Variants in PPP2R2D observed in about 807,000 individuals in gnomAD.
The protein encoded by PPP2R2D is serine/threonine-protein phosphatase 2A 55 kDa regulatory subunit B delta isoform.
In PPP2R2D, 9 loss-of-function variants were observed where a neutral mutation model predicts 31.1. The observed-to-expected ratio is 0.29, with a 90% confidence interval of 0.17 to 0.51. The LOEUF is 0.51. PPP2R2D is among the 20% of genes least tolerant of loss of function. The pLI is 0.98. For missense variants in PPP2R2D, 391 were observed against 465.6 expected (o/e 0.84, Z 1.48); for synonymous variants, 179 against 172.6 (o/e 1.04, Z -0.29).
intron 3 of PPP2R2D, chr10:131,935,034 C>T (rs2036314040): frequency 2.2e-6 from 1 of 450,268 alleles, no homozygotes; most frequent in African/African-American, 2.0e-5. Context: ...CTCCATGCCC[C>T]CTTGAAGGCT....
the PPP2R2D span, chr10:131,967,669 A>T: frequency 6.6e-6 from 1 of 152,668 alleles, no homozygotes; most frequent in East Asian, 1.9e-4. Context: ...TTTAAACCAT[A>T]TGTAAATACA....
chr10:131,952,837 A>T (rs185317280), intron 8 of PPP2R2D, among the ~76,000 whole-genome samples: 1 of 55,290 alleles, frequency 1.8e-5, no homozygotes, highest in East Asian at 5.5e-4. Flanking sequence ...TGTGGGGTTC[A>T]CTGTCTTAGC....
chr10:131,969,946 T>C, the PPP2R2D span: 12,761 of 152,538 alleles, frequency 0.084, 707 homozygotes, highest in Non-Finnish European at 0.12. Flanking sequence ...CCCAGCACTT[T>C]GGAGGCCGAG....
intron 2 of PPP2R2D, among the ~76,000 whole-genome samples, chr10:131,922,607 C>T (rs2036012534): frequency 6.6e-6 from 1 of 151,996 alleles, no homozygotes; most frequent in African/African-American, 2.4e-5. Context: ...TGCACACCAC[C>T]ACACTTGGAT....
Position 131,957,572 on chromosome 10 carries a change from C to T in PPP2R2D, c.*1609C>T, listed in dbSNP as rs182648209. The T allele has an allele frequency of 1.3e-3, 231 of 171,540 alleles. 3 individuals are homozygous for T. Among genetic ancestry groups the T allele is most frequent in the African/African-American group, 5.4e-3 (210 of 38,794 alleles). The allele number at this position is 171,540 out of a possible 1,614,324, so 10.6% of individuals were successfully genotyped here. The stretch of plus-strand genomic sequence containing the variant: ...GCCCCTGTGGAGATGAAGGTGCGTG[C>T]TGATCCCCCATCTCCCTGTGGAGAT... On this transcript the variant is annotated 3_prime_UTR_variant, in exon 9 of 9. Transcript: ENST00000455566.
chr10:131,949,766 C>A (rs2036606967), intron 8 of PPP2R2D, among the ~76,000 whole-genome samples: 1 of 147,012 alleles, frequency 6.8e-6, no homozygotes, highest in Non-Finnish European at 1.5e-5. Flanking sequence ...GACGTGGAGA[C>A]TGGAAAGGAG....
chr10:131,912,755 G>A (rs1325914046), intron 2 of PPP2R2D, among the ~76,000 whole-genome samples: 1 of 152,176 alleles, frequency 6.6e-6, no homozygotes, highest in African/African-American at 2.4e-5. Context: ...TTTTTAACCA[G>A]GCTGCCTTTT....
In PPP2R2D at chr10:131,947,772, T is replaced by A; in HGVS notation, c.1063T>A (p.Cys355Ser). The change falls in exon 8 of 9, where the codon TGC becomes AGC. Residue 355 changes from cysteine to serine, a missense_variant. Physicochemically the swap from Cys to Ser is moderately radical, Grantham distance 112 (BLOSUM62 -1). Coordinates refer to ENST00000455566, the MANE Select transcript of PPP2R2D (RefSeq NM_018461.5). This position sits in a 1 kb window ranked among gnomAD's most constrained non-coding sequence, Gnocchi z 4.3. The stretch of plus-strand genomic sequence containing the variant: ...CTGCATCTTTGACAAGTTTGAGTGT[T>A]GCTGGAACGGTTCGGATAGGTAAGG... Reference protein sequence around the residue: ...NDCIFDKFECCWNGSDSAIMT... With the variant: ...NDCIFDKFECSWNGSDSAIMT... 1 of 1,614,048 alleles carries A rather than the reference T, an allele frequency of 6.2e-7. No homozygotes were observed. Among genetic ancestry groups the A allele is most frequent in the Non-Finnish European group, 8.5e-7 (1 of 1,179,934 alleles).
chr10:131,913,184 A>ATTTTTTTTTTT (rs36188479), intron 2 of PPP2R2D, among the ~76,000 whole-genome samples: 2 of 134,818 alleles, frequency 1.5e-5, no homozygotes, highest in Non-Finnish European at 1.6e-5. Flanking sequence ...TGCCCGGCTA[A>ATTTTTTTTTTT]TTTTTTTTTT....
chr10:131,929,646 G>T (rs1171400083), intron 2 of PPP2R2D, among the ~76,000 whole-genome samples: 1 of 151,954 alleles, frequency 6.6e-6, no homozygotes, highest in Non-Finnish European at 1.5e-5. Flanking sequence ...GCTGTGCTCT[G>T]CCCGCCACAC....
In PPP2R2D at chr10:131,958,353, C is replaced by G. The variant is rs182805566; in HGVS notation, c.*2390C>G. 1.1e-5 allele frequency: 2 copies of G among 181,166 alleles called. No individual in the cohort carries two copies. Among genetic ancestry groups the G allele is most frequent in the African/African-American group, 2.6e-5 (1 of 37,920 alleles). 11.2% of individuals were successfully genotyped at this position (181,166 alleles called of 1,614,324 possible). A position where few individuals can be genotyped will look rare whatever the true frequency, so the allele number is the denominator to read the frequency against. On this transcript the variant is annotated 3_prime_UTR_variant, in exon 9 of 9. Coordinates refer to ENST00000455566, the MANE Select transcript of PPP2R2D (RefSeq NM_018461.5). Reference sequence around the variant, plus strand: ...GAGATGAAGGGGTGTGCTGATCCCCCGTCTTCCTGTGGAGATGAAGGTGTG... The same window carrying G: ...GAGATGAAGGGGTGTGCTGATCCCCGGTCTTCCTGTGGAGATGAAGGTGTG...
At chr10:131,941,439 C>G (rs1352997850) in intron 5 of PPP2R2D, among the ~76,000 whole-genome samples, 1 of 152,064 alleles carries the variant, frequency 6.6e-6, no homozygotes, top group Non-Finnish European at 1.5e-5. Context: ...GGTGAGAAAC[C>G]AGCACCTGTG....
At chr10:131,946,536 G>A (rs570224917) in intron 7 of PPP2R2D, among the ~76,000 whole-genome samples, 142 of 152,280 alleles carry the variant, frequency 9.3e-4, no homozygotes, top group African/African-American at 3.0e-3. Context: ...TTAAGAATTC[G>A]TATTTCTACT....
intron 3 of PPP2R2D, among the ~76,000 whole-genome samples, chr10:131,936,334 G>C (rs535119456): frequency 6.6e-6 from 1 of 151,734 alleles, no homozygotes; most frequent in African/African-American, 2.4e-5. Context: ...TTTTAGTAGC[G>C]ATGGGGTTTC....
intron 2 of PPP2R2D, among the ~76,000 whole-genome samples, chr10:131,923,562 C>T (rs1475669792): frequency 6.6e-6 from 1 of 152,142 alleles, no homozygotes; most frequent in African/African-American, 2.4e-5. Flanking sequence ...GTAATCCCGC[C>T]GTCAATGTAT....
chr10:131,964,529 G>A (rs922464563), downstream of PPP2R2D, among the ~76,000 whole-genome samples: 2 of 152,130 alleles, frequency 1.3e-5, no homozygotes, highest in African/African-American at 4.8e-5. Flanking sequence ...CCACGGCTTC[G>A]TGCTAGCCTT....
At chr10:131,962,877 C>T (rs1554901675), downstream of PPP2R2D, among the ~76,000 whole-genome samples, 2 of 152,162 alleles carry the variant, frequency 1.3e-5, no homozygotes, top group Non-Finnish European at 2.9e-5. Context: ...AGAAAATTAT[C>T]TTTGGGGCTA....
intron 5 of PPP2R2D, among the ~76,000 whole-genome samples, chr10:131,941,838 C>T (rs1285258439): frequency 3.3e-5 from 5 of 152,082 alleles, no homozygotes; most frequent in Admixed American, 2.6e-4. Context: ...CTTCTCACAT[C>T]GATGTTGTCA....
At chr10:131,962,965 C>A (rs1028918154), downstream of PPP2R2D, among the ~76,000 whole-genome samples, 2 of 152,192 alleles carry the variant, frequency 1.3e-5, no homozygotes, top group African/African-American at 4.8e-5. Context: ...GAGTTCAAGA[C>A]CAGCCTGGCC....
Sources: gnomAD v4.1 joint callset for allele counts (sites outside exome capture counted in the v4.1 genomes callset) on GRCh38, gnomAD v4.1.1 for gene constraint, Gnocchi (gnomAD v3.1) non-coding constraint, MANE v1.5 for transcripts, NCBI Gene and HGNC (gene_info 2026-07-23, HGNC 2026-07-21) for gene names.